FSIP1: variants seen among roughly 807,000 people sequenced by gnomAD.
FSIP1 encodes the protein fibrous sheath-interacting protein 1.
FSIP1 carries 65 observed loss-of-function variants against 60.9 expected under a neutral mutation model. That is an observed-to-expected ratio of 1.07 (90% confidence interval 0.87 to 1.31). FSIP1 has a LOEUF of 1.31. FSIP1 is among the 40% of genes most tolerant of loss of function. The probability of loss-of-function intolerance (pLI) is 0.00; values close to 1 mark genes in which losing one functional copy is unlikely to be tolerated. For missense variants in FSIP1, 675 were observed against 665.5 expected, an observed-to-expected ratio of 1.01 and a Z score of -0.16; for synonymous variants, 209 against 221.2, an observed-to-expected ratio of 0.94 and a Z score of 0.49.
intron 10 of FSIP1, among the ~76,000 whole-genome samples, chr15:39,618,733 T>A (rs552829422): frequency 9.8e-5 from 15 of 152,348 alleles, no homozygotes; most frequent in African/African-American, 3.4e-4. Flanking sequence ...TAATCTCTGC[T>A]TGTAAAGGTT....
rs1488551526 is a variant in FSIP1 at position 39,741,676 on chromosome 15, T to A, written c.655+129A>T. The A allele has an allele frequency of 7.2e-6, 4 of 556,742 alleles. No homozygotes were observed. In the African/African-American group the frequency reaches 7.4e-5, roughly 10 times the overall value. The allele number at this position is 556,742 out of a possible 1,614,324, so 34.5% of individuals were successfully genotyped here. On this transcript the variant is annotated intron_variant, in intron 6 of 11. Transcript: ENST00000350221. ...TGCAACAATAACCAATCTTGTGTCA[T>A]CTTGAACTCTACTTGCTTCCACTTA...
chr15:39,626,627 T>G (rs1891650084), intron 10 of FSIP1, among the ~76,000 whole-genome samples: 1 of 152,156 alleles, frequency 6.6e-6, no homozygotes, highest in Non-Finnish European at 1.5e-5. Flanking sequence ...GAGAAAGTTC[T>G]CACAAGATCT....
chr15:39,644,335 G>C (rs1471216758), intron 10 of FSIP1, among the ~76,000 whole-genome samples: 1 of 152,146 alleles, frequency 6.6e-6, no homozygotes, highest in African/African-American at 2.4e-5. Context: ...TAAAACGGCT[G>C]TTCCTGAGGT....
chr15:39,764,032 T>TA lies in FSIP1; in HGVS notation c.466-119_466-118insT, dbSNP rs1897595072. On this transcript the variant is annotated intron_variant, in intron 4 of 11. Transcript: ENST00000350221. ...CGTACAAACGAGAAGTCTCAGGCTA[T>TA]TTTTTTTTTTGAGGAAATCTGTAAA... 6.5e-5 allele frequency: 21 copies of TA among 323,984 alleles called. No individual in the cohort carries two copies. In the South Asian group the frequency reaches 1.1e-3, roughly 17 times the overall value. 20.1% of individuals were successfully genotyped at this position (323,984 alleles called of 1,614,324 possible).
In FSIP1 at chr15:39,773,976, C is replaced by T. The variant is rs111440819; in HGVS notation, c.126+2423G>A. ...ATATCACTCAATCTATCTTCCAAAA[C>T]TCATAGAACTATACACCAAAAAAGT... On this transcript the variant is annotated intron_variant, in intron 2 of 11. Transcript: ENST00000350221. Among the ~76,000 whole-genome samples, 848 of 152,268 alleles carry T rather than the reference C, an allele frequency of 5.6e-3. 4 individuals carry two copies. The highest frequency in any genetic ancestry group is 0.019 in the African/African-American group (797 of 41,554).
At chr15:39,621,041 G>C (rs1169334067) in intron 10 of FSIP1, among the ~76,000 whole-genome samples, 1 of 140,668 alleles carries the variant, frequency 7.1e-6, no homozygotes, top group Non-Finnish European at 1.5e-5. Flanking sequence ...CTTGAAGCAA[G>C]AGAAGGGCAT....
At chr15:39,740,353 A>T (rs1284820082) in intron 6 of FSIP1, among the ~76,000 whole-genome samples, 1 of 152,220 alleles carries the variant, frequency 6.6e-6, no homozygotes, top group African/African-American at 2.4e-5. Context: ...CTTTTGGAAG[A>T]GGCTTGAGTC....
At chr15:39,601,771 C>T (rs993315755) in intron 11 of FSIP1, among the ~76,000 whole-genome samples, 1 of 152,070 alleles carries the variant, frequency 6.6e-6, no homozygotes, top group Non-Finnish European at 1.5e-5. Context: ...ATCTTGAAGA[C>T]ATAATGTAAG....
intron 10 of FSIP1, among the ~76,000 whole-genome samples, chr15:39,656,700 T>G (rs925953643): frequency 6.6e-6 from 1 of 152,256 alleles, no homozygotes; most frequent in African/African-American, 2.4e-5. Context: ...CACAATCTTG[T>G]GGACTTGCAT....
At chr15:39,695,496 C>T (rs1894779738) in intron 10 of FSIP1, among the ~76,000 whole-genome samples, 1 of 151,900 alleles carries the variant, frequency 6.6e-6, no homozygotes. Flanking sequence ...TTTGTGTCCC[C>T]TATATAATTT....
chr15:39,727,947 G>T (rs1896259612), intron 8 of FSIP1, among the ~76,000 whole-genome samples: 1 of 152,112 alleles, frequency 6.6e-6, no homozygotes, highest in African/African-American at 2.4e-5. Context: ...GTTTCAGGAT[G>T]TAAAATCAAT....
chr15:39,701,381 A>T (rs1895053368), intron 10 of FSIP1, among the ~76,000 whole-genome samples: 1 of 152,230 alleles, frequency 6.6e-6, no homozygotes, highest in Non-Finnish European at 1.5e-5. Context: ...GTGTGTGATT[A>T]TAATGTATCT....
At chr15:39,776,351 C>G (rs372248404) in intron 2 of FSIP1, 48 bp downstream of exon 2, 2 of 1,584,238 alleles carry the variant, frequency 1.3e-6, no homozygotes, top group South Asian at 2.3e-5. Flanking sequence ...TCATCAACTG[C>G]TGAGAGGTTG....
intron 5 of FSIP1, among the ~76,000 whole-genome samples, chr15:39,755,018 C>T (rs1325952058): frequency 6.6e-6 from 1 of 151,784 alleles, no homozygotes; most frequent in African/African-American, 2.4e-5. Flanking sequence ...GAAGTCTGAC[C>T]TTTAAGGAGA....
At chr15:39,665,854 C>G (rs981972327) in intron 10 of FSIP1, among the ~76,000 whole-genome samples, 1 of 152,080 alleles carries the variant, frequency 6.6e-6, no homozygotes, top group Non-Finnish European at 1.5e-5. Context: ...AAAACTCCCT[C>G]AGAGTACAAG....
At chr15:39,656,477 G>A (rs1276106076) in intron 10 of FSIP1, among the ~76,000 whole-genome samples, 1 of 152,072 alleles carries the variant, frequency 6.6e-6, no homozygotes, top group Admixed American at 6.5e-5. Flanking sequence ...TAAAACTAAC[G>A]ATTGTCTGAG....
chr15:39,648,169 A>T (rs769290550), intron 10 of FSIP1, among the ~76,000 whole-genome samples: 17 of 89,062 alleles, frequency 1.9e-4, no homozygotes, highest in East Asian at 4.4e-4. Flanking sequence ...AAAGTATAAT[A>T]AAAAAAAAAA....
rs567860162 is a variant in FSIP1, at chr15:39,631,458, A to C, written c.1189-13213T>G. Among the ~76,000 whole-genome samples the C allele has an allele frequency of 3.9e-5, 6 of 152,372 alleles. No homozygotes were observed. In the South Asian group the frequency reaches 1.2e-3, roughly 32 times the overall value. On this transcript the variant is annotated intron_variant, in intron 10 of 11. Transcript: ENST00000350221. ...CAGATCCCAGCAAGGGCAGACAGACAGACAAACTGGTTGAAAGGAAGGGTG... is the reference window on the plus strand; with the variant it reads ...CAGATCCCAGCAAGGGCAGACAGACCGACAAACTGGTTGAAAGGAAGGGTG...
intron 10 of FSIP1, among the ~76,000 whole-genome samples, chr15:39,697,784 G>A (rs1894880829): frequency 6.6e-6 from 1 of 152,012 alleles, no homozygotes; most frequent in African/African-American, 2.4e-5. Context: ...TTACACATAT[G>A]GTTTCAATAA....
Sources: allele counts gnomAD v4.1 joint callset (sites outside exome capture counted in the v4.1 genomes callset), GRCh38; gene constraint gnomAD v4.1.1; transcripts MANE v1.5; gene names NCBI Gene and HGNC (gene_info 2026-07-23, HGNC 2026-07-21).